Variants in KANSL1 observed in about 807,000 individuals in gnomAD.
KANSL1 encodes the protein KAT8 regulatory NSL complex subunit 1, also known as MLL1/MLL complex subunit KANSL1.
Under a neutral mutation model 103.6 loss-of-function variants are expected in KANSL1, and 22 were observed. The observed-to-expected ratio is 0.21, with a 90% CI of 0.15 to 0.30. KANSL1 has a LOEUF of 0.30. KANSL1 is among the 10% of genes least tolerant of loss of function. KANSL1 has a pLI of 1.00. For synonymous variants in KANSL1, 600 were observed against 527.6 expected, an observed-to-expected ratio of 1.14 and a Z score of -1.88; for missense variants, 1,337 against 1,399.8, an observed-to-expected ratio of 0.96 and a Z score of 0.72.
intron 3 of KANSL1, among the ~76,000 whole-genome samples, chr17:46,091,835 G>C (rs186796738): frequency 3.8e-4 from 44 of 114,916 alleles, no homozygotes; most frequent in Admixed American, 3.2e-3. Flanking sequence ...GTATGTATAT[G>C]AGACAGAGAC....
At chr17:46,035,328 T>C (rs888822609) in intron 10 of KANSL1, 4 of 152,142 alleles carry the variant, frequency 2.6e-5, no homozygotes, top group African/African-American at 9.7e-5. Flanking sequence ...GAGTAAGAAG[T>C]CCCCTATAAC....
At chr17:46,148,978 T>C (rs907148812) in intron 2 of KANSL1, among the ~76,000 whole-genome samples, 1 of 150,270 alleles carries the variant, frequency 6.7e-6, no homozygotes, top group African/African-American at 2.4e-5. Context: ...AATTATTTTA[T>C]CTCACCCATT....
rs541142018 is a variant in KANSL1, at chr17:46,174,353, T to C, written c.-89-2121A>G. Among the ~76,000 whole-genome samples the C allele has an allele frequency of 1.1e-4, 17 of 152,182 alleles. No homozygotes were observed. The South Asian group carries it at 3.5e-3, about 32-fold the overall frequency. On this transcript the variant is annotated intron_variant, in intron 1 of 14. Coordinates refer to ENST00000432791, the MANE Select transcript of KANSL1 (RefSeq NM_015443.4). ...GCACGTGCCACCACGCCTGGCTAAT[T>C]TTTGTATTTTTAGTAGAGACAGGGT... is the stretch of plus-strand genomic sequence containing the variant.
chr17:46,058,615 T>G (rs1482843394), intron 6 of KANSL1, among the ~76,000 whole-genome samples: 2 of 151,978 alleles, frequency 1.3e-5, no homozygotes, highest in African/African-American at 4.8e-5. Flanking sequence ...GAAACTAAGG[T>G]ATCAGATAAA....
At chr17:46,182,060 T>C (rs1332262438) in intron 1 of KANSL1, among the ~76,000 whole-genome samples, 1 of 152,258 alleles carries the variant, frequency 6.6e-6, no homozygotes. Flanking sequence ...ACTAATTCTA[T>C]TTCCAAGACA....
chr17:46,094,529 C>T, intron 3 of KANSL1, 31 bp downstream of exon 3: 3 of 1,597,080 alleles, frequency 1.9e-6, no homozygotes, highest in South Asian at 1.1e-5. Context: ...TTTTCGGCAG[C>T]ATTTAAAAAC....
intron 2 of KANSL1, among the ~76,000 whole-genome samples, chr17:46,114,795 G>A (rs976269068): frequency 3.3e-5 from 5 of 152,236 alleles, no homozygotes; most frequent in East Asian, 3.8e-4. Flanking sequence ...CCCAGCAGAA[G>A]CCTTAATCCC....
intron 6 of KANSL1, among the ~76,000 whole-genome samples, chr17:46,059,682 A>G (rs2078089243): frequency 6.7e-6 from 1 of 150,336 alleles, no homozygotes; most frequent in Non-Finnish European, 1.5e-5. Flanking sequence ...AAACTGATCA[A>G]CACATGTTCT....
intron 1 of KANSL1, among the ~76,000 whole-genome samples, chr17:46,172,553 A>T (rs1386460717): frequency 6.6e-6 from 1 of 152,240 alleles, no homozygotes; most frequent in Non-Finnish European, 1.5e-5. Context: ...ATTAAAAAAA[A>T]ATCTCTTTAA....
intron 1 of KANSL1, among the ~76,000 whole-genome samples, chr17:46,219,803 G>A (rs1480416914): frequency 3.3e-5 from 5 of 152,208 alleles, no homozygotes; most frequent in African/African-American, 4.8e-5. Flanking sequence ...CTCAACCACT[G>A]TTCAAGAACT....
chr17:46,094,499 G>A, intron 3 of KANSL1, 61 bp downstream of exon 3: 9 of 1,567,588 alleles, frequency 5.7e-6, no homozygotes, highest in Non-Finnish European at 6.9e-6. Flanking sequence ...GAGGGGATGT[G>A]AGAAAAGCGA....
rs1020850076 is a variant in KANSL1, at chr17:46,067,152, A to C, written c.1652+397T>G. On this transcript the variant is annotated intron_variant, in intron 5 of 14. Coordinates refer to ENST00000432791, the MANE Select transcript of KANSL1 (RefSeq NM_015443.4). ...TTTAAGGGTGTTGTACACATCATTC[A>C]CTTGTACAGAATCTCCCTGAATCTT... Among the ~76,000 whole-genome samples, 11 of 152,340 alleles carry C rather than the reference A, an allele frequency of 7.2e-5. No homozygotes were observed. In the East Asian group the frequency reaches 2.1e-3, roughly 29 times the overall value.
chr17:46,141,688 G>A (rs1001576561), intron 2 of KANSL1, among the ~76,000 whole-genome samples: 1 of 152,136 alleles, frequency 6.6e-6, no homozygotes, highest in Non-Finnish European at 1.5e-5. Context: ...GTAAAAATTT[G>A]GCAACCCATA....
At chr17:46,202,039 C>T (rs113249873) in intron 1 of KANSL1, among the ~76,000 whole-genome samples, 17,168 of 149,818 alleles carry the variant, frequency 0.11, no homozygotes, top group Non-Finnish European at 0.17. Flanking sequence ...GGCTTGGCAC[C>T]GTGCATCTGT....
chr17:46,114,617 A>C (rs1441010085), intron 2 of KANSL1, among the ~76,000 whole-genome samples: 1 of 152,258 alleles, frequency 6.6e-6, no homozygotes, highest in East Asian at 1.9e-4. Context: ...TCTTTCAAGC[A>C]AGAAAGAAGG....
At chr17:46,170,460 C>T (rs1265223085) in intron 2 of KANSL1, 1 of 222,640 alleles carries the variant, frequency 4.5e-6, no homozygotes, top group African/African-American at 2.3e-5. Flanking sequence ...ACTAGGTCAA[C>T]TCAGCATTTG....
At chr17:46,210,484 A>AC (rs1159447876) in intron 1 of KANSL1, among the ~76,000 whole-genome samples, 1 of 145,708 alleles carries the variant, frequency 6.9e-6, no homozygotes, top group Non-Finnish European at 1.5e-5. Flanking sequence ...AAAAAAAAAA[A>AC]AAAAAAAAAA....
intron 2 of KANSL1, among the ~76,000 whole-genome samples, chr17:46,137,359 T>C (rs537357457): frequency 6.6e-6 from 1 of 152,244 alleles, no homozygotes; most frequent in Non-Finnish European, 1.5e-5. Flanking sequence ...TTACTACTTT[T>C]AGAGTGCATA....
At chr17:46,060,800 G>A (rs1014190403) in intron 6 of KANSL1, among the ~76,000 whole-genome samples, 2 of 152,114 alleles carry the variant, frequency 1.3e-5, no homozygotes, top group African/African-American at 4.8e-5. Flanking sequence ...AGGAAACCTG[G>A]TCATAGCCAT....
Sources: gnomAD v4.1 joint callset for allele counts (sites outside exome capture counted in the v4.1 genomes callset) on GRCh38, gnomAD v4.1.1 for gene constraint, MANE v1.5 for transcripts, NCBI Gene and HGNC (gene_info 2026-07-23, HGNC 2026-07-21) for gene names.